Variants in TSPAN5 observed in about 807,000 individuals in gnomAD.
The protein encoded by TSPAN5 is tetraspanin 5.
A neutral mutation model predicts 37.1 loss-of-function variants in TSPAN5; 10 were observed. The ratio of observed to expected loss-of-function variants is 0.27; its 90% confidence interval spans 0.17 to 0.46. The LOEUF (loss-of-function observed/expected upper bound fraction) is 0.46. Among genes scored for constraint, TSPAN5 ranks in the 20% least tolerant of loss-of-function variants. TSPAN5 has a pLI of 1.00. For synonymous variants in TSPAN5, 110 were observed against 118.9 expected, an observed-to-expected ratio of 0.93 and a Z score of 0.48; for missense variants, 195 against 326.6, an observed-to-expected ratio of 0.60 and a Z score of 3.11.
intron 1 of TSPAN5, among the ~76,000 whole-genome samples, chr4:98,615,075 C>A (rs1245729873): frequency 2.0e-5 from 3 of 152,202 alleles, no homozygotes; most frequent in Non-Finnish European, 4.4e-5. Flanking sequence ...CACCAACCCC[C>A]CAGTGCTGCC....
chr4:98,509,891 G>C (rs982085585), intron 1 of TSPAN5: 5 of 152,232 alleles, frequency 3.3e-5, no homozygotes, highest in Admixed American at 6.5e-5. Context: ...TTAAGGCTTT[G>C]ACTTCAACCC....
At chr4:98,478,583 C>G (rs926172608) in intron 5 of TSPAN5, 102 bp downstream of exon 5, 7 of 1,398,110 alleles carry the variant, frequency 5.0e-6, no homozygotes, top group Non-Finnish European at 7.0e-6. Flanking sequence ...TACGAGTAAC[C>G]AGGTAAGAAG....
chr4:98,571,304 G>A (rs978594102), intron 1 of TSPAN5, among the ~76,000 whole-genome samples: 2 of 152,078 alleles, frequency 1.3e-5, no homozygotes, highest in Admixed American at 6.5e-5. Context: ...CAGGCTGCAC[G>A]GGGGAGCGCA....
At position 98,576,561 on chromosome 4, in the gene TSPAN5, A is replaced by T. The variant is rs190695517; in HGVS notation, c.82-68833T>A. ...TCGAGACCAGCTTGGGCAAAAAACT[A>T]AAAAATTAGCCAGGCGTGGTGGCAT... On this transcript the variant is annotated intron_variant, in intron 1 of 7. Transcript: ENST00000305798. Among the ~76,000 whole-genome samples, 631 of 152,126 alleles carry T rather than the reference A, an allele frequency of 4.1e-3. 5 individuals are homozygous for T. Among genetic ancestry groups the T allele is most frequent in the Middle Eastern group, 0.01 (3 of 294 alleles).
chr4:98,495,265 C>G (rs1753175520), intron 2 of TSPAN5, among the ~76,000 whole-genome samples: 1 of 152,218 alleles, frequency 6.6e-6, no homozygotes, highest in Non-Finnish European at 1.5e-5. Context: ...CGCAGTGGCT[C>G]ATGCCTGTAA....
intron 1 of TSPAN5, among the ~76,000 whole-genome samples, chr4:98,581,606 A>G (rs951318676): frequency 1.3e-5 from 2 of 152,226 alleles, no homozygotes; most frequent in African/African-American, 2.4e-5. Flanking sequence ...AATGAAATCC[A>G]AAACGGATTA....
chr4:98,557,294 G>C (rs1365406376), intron 1 of TSPAN5, among the ~76,000 whole-genome samples: 1 of 152,182 alleles, frequency 6.6e-6, no homozygotes, highest in Non-Finnish European at 1.5e-5. Context: ...AGAAGAAAAT[G>C]CACAAATGGT....
chr4:98,652,431 T>C (rs568555529), intron 1 of TSPAN5, among the ~76,000 whole-genome samples: 1 of 152,328 alleles, frequency 6.6e-6, no homozygotes, highest in African/African-American at 2.4e-5. Context: ...TCATCCTAAC[T>C]TTTTTGTGCT....
At chr4:98,544,651 G>A (rs1002951428) in intron 1 of TSPAN5, among the ~76,000 whole-genome samples, 1 of 152,174 alleles carries the variant, frequency 6.6e-6, no homozygotes, top group Non-Finnish European at 1.5e-5. Flanking sequence ...AAAGGTGTGC[G>A]AAAGCAGAGG....
At chr4:98,564,414 C>T (rs1453982856) in intron 1 of TSPAN5, among the ~76,000 whole-genome samples, 1 of 152,216 alleles carries the variant, frequency 6.6e-6, no homozygotes. Flanking sequence ...TGTTCTCCTA[C>T]ATACTAATAA....
chr4:98,532,474 T>C (rs1264289180), intron 1 of TSPAN5, among the ~76,000 whole-genome samples: 2 of 152,232 alleles, frequency 1.3e-5, no homozygotes, highest in Non-Finnish European at 1.5e-5. Flanking sequence ...AGTTCACTCA[T>C]GATTTGGCTC....
At chr4:98,592,431 T>G (rs987822128) in intron 1 of TSPAN5, among the ~76,000 whole-genome samples, 45 of 41,176 alleles carry the variant, frequency 1.1e-3, no homozygotes, top group African/African-American at 2.9e-3. Context: ...GTTTTTTGTT[T>G]TTTTTTTTTT....
At chr4:98,643,655 C>A (rs954139592) in intron 1 of TSPAN5, among the ~76,000 whole-genome samples, 2 of 152,072 alleles carry the variant, frequency 1.3e-5, no homozygotes, top group African/African-American at 4.8e-5. Context: ...CACTGGACAG[C>A]AAAACTCTCA....
At chr4:98,600,162 G>A (rs1468421771) in intron 1 of TSPAN5, among the ~76,000 whole-genome samples, 1 of 152,080 alleles carries the variant, frequency 6.6e-6, no homozygotes, top group Admixed American at 6.5e-5. Flanking sequence ...ATACTTTATA[G>A]CCAAAAATGC....
chr4:98,514,221 A>G (rs1480480536), intron 1 of TSPAN5, among the ~76,000 whole-genome samples: 1 of 152,226 alleles, frequency 6.6e-6, no homozygotes, highest in African/African-American at 2.4e-5. Flanking sequence ...CATAGAAGGG[A>G]GGCAAGGGGA....
At chr4:98,514,851 T>C (rs553030601) in intron 1 of TSPAN5, among the ~76,000 whole-genome samples, 3 of 152,036 alleles carry the variant, frequency 2.0e-5, no homozygotes, top group African/African-American at 7.2e-5. Flanking sequence ...TACATTCTAG[T>C]TGAAGTGTGC....
rs933225534 is a variant in TSPAN5 at position 98,592,829 on chromosome 4, G to T, written c.81+65317C>A. On this transcript the variant is annotated intron_variant, in intron 1 of 7. Coordinates refer to ENST00000305798, the MANE Select transcript of TSPAN5 (RefSeq NM_005723.4). ...ATATGTGCCACATTTTCTTAATCCA[G>T]TCTATCATTGTTGGACATCTGGGTT... 5.3e-5 allele frequency among the ~76,000 whole-genome samples: 8 copies of T among 150,264 alleles called. No individual in the cohort carries two copies. The East Asian group carries it at 9.8e-4, about 18-fold the overall frequency.
chr4:98,476,168 C>G, intron 7 of TSPAN5, 21 bp downstream of exon 7: 1 of 1,574,862 alleles, frequency 6.3e-7, no homozygotes, highest in Non-Finnish European at 8.7e-7. Flanking sequence ...CTGTGATATC[C>G]ATAAAGGACC....
At chr4:98,539,213 T>C (rs909194652) in intron 1 of TSPAN5, among the ~76,000 whole-genome samples, 3 of 152,190 alleles carry the variant, frequency 2.0e-5, no homozygotes, top group Admixed American at 6.6e-5. Flanking sequence ...GTCAAATCTT[T>C]TTCCTCAAAT....
Sources: allele counts gnomAD v4.1 joint callset (sites outside exome capture counted in the v4.1 genomes callset), GRCh38; gene constraint gnomAD v4.1.1; transcripts MANE v1.5; gene names NCBI Gene and HGNC (gene_info 2026-07-23, HGNC 2026-07-21).